The following PIAS1 variants were observed in gnomAD, a reference collection of about 807,000 sequenced individuals.
PIAS1 encodes the protein E3 SUMO-protein ligase PIAS1.
PIAS1 carries 6 observed loss-of-function variants against 71.3 expected under a neutral mutation model. The observed-to-expected ratio is 0.08, with a 90% CI of 0.05 to 0.17. The LOEUF (loss-of-function observed/expected upper bound fraction) is 0.17. Ranked by LOEUF, PIAS1 falls within the 10% of genes least tolerant of loss-of-function variation. PIAS1 has a pLI of 1.00. For synonymous variants in PIAS1, 303 were observed against 292.9 expected (o/e 1.03, Z -0.35); for missense variants, 555 against 793.6 (o/e 0.70, Z 3.61).
intron 1 of PIAS1, among the ~76,000 whole-genome samples, chr15:68,077,171 A>T (rs2092175699): frequency 6.6e-6 from 1 of 152,240 alleles, no homozygotes; most frequent in Non-Finnish European, 1.5e-5. Flanking sequence ...CCCTGCTGAA[A>T]TAAAAGAATA....
intron 2 of PIAS1, among the ~76,000 whole-genome samples, chr15:68,117,074 TTTTG>T (rs2092571310): frequency 6.6e-6 from 1 of 152,086 alleles, no homozygotes; most frequent in Non-Finnish European, 1.5e-5. Flanking sequence ...TTGTTGTTGT[TTTTG>T]TTTTTTTGTT....
intron 2 of PIAS1, among the ~76,000 whole-genome samples, chr15:68,102,997 G>A (rs543409958): frequency 4.0e-5 from 6 of 151,662 alleles, no homozygotes; most frequent in East Asian, 3.9e-4. Context: ...GCACAGTCTC[G>A]GCTCACTGCA....
At chr15:68,108,063 G>T (rs907796388) in intron 2 of PIAS1, among the ~76,000 whole-genome samples, 1 of 152,180 alleles carries the variant, frequency 6.6e-6, no homozygotes, top group African/African-American at 2.4e-5. Flanking sequence ...AGATTAAGGA[G>T]CTTGATGCAG....
chr15:68,088,624 C>T (rs1281851514), intron 2 of PIAS1, among the ~76,000 whole-genome samples: 1 of 151,864 alleles, frequency 6.6e-6, no homozygotes, highest in African/African-American at 2.4e-5. Context: ...AAGATCTCAC[C>T]ACAAAGTAAT....
chr15:68,086,234 A>G lies in PIAS1; in HGVS notation c.25-72A>G. 1 of 1,047,266 alleles carries G rather than the reference A, an allele frequency of 9.5e-7. No individual in the cohort carries two copies. The allele number at this position is 1,047,266 out of a possible 1,614,324, so 64.9% of individuals were successfully genotyped here. On this transcript the variant is annotated intron_variant, in intron 1 of 13. Coordinates refer to ENST00000249636, the MANE Select transcript of PIAS1 (RefSeq NM_016166.3). This position sits in a 1 kb window ranked among gnomAD's most constrained non-coding sequence, Gnocchi z 7.2. ...AGTAAACCATAAGAAGGGGGTTATAATAAAGTGTCATTTAATAGTGTAAAT... is the reference window on the plus strand; with the variant it reads ...AGTAAACCATAAGAAGGGGGTTATAGTAAAGTGTCATTTAATAGTGTAAAT...
Position 68,175,717 on chromosome 15 carries a change from G to A in PIAS1, c.1250G>A (p.Arg417Lys), listed in dbSNP as rs1352897808. The change falls in exon 10 of 14, where the codon AGA becomes AAA. Residue 417 changes from arginine to lysine, a missense_variant. Physicochemically the swap from Arg to Lys is conservative, Grantham distance 26. Coordinates refer to ENST00000249636, the MANE Select transcript of PIAS1 (RefSeq NM_016166.3). ...GAGGATGGCACTTGGGCACCGATGAGATCAAAAAAGGAAGTACAGGAAGTT... is the reference window on the plus strand; with the variant it reads ...GAGGATGGCACTTGGGCACCGATGAAATCAAAAAAGGAAGTACAGGAAGTT... ...FKEDGTWAPM[R>K]SKKEVQEVSA... 1.9e-6 allele frequency: 3 copies of A among 1,606,158 alleles called. No homozygotes were observed. Among genetic ancestry groups the A allele is most frequent in the African/African-American group, 1.3e-5 (1 of 74,706 alleles).
chr15:68,172,211 G>C (rs1226790566), intron 8 of PIAS1, among the ~76,000 whole-genome samples: 1 of 152,130 alleles, frequency 6.6e-6, no homozygotes, highest in Non-Finnish European at 1.5e-5. Flanking sequence ...ATGGTTTCCA[G>C]CTTCATCCAT....
At chr15:68,182,065 G>A (rs2093056575) in intron 12 of PIAS1, among the ~76,000 whole-genome samples, 2 of 152,118 alleles carry the variant, frequency 1.3e-5, no homozygotes, top group East Asian at 3.8e-4. Flanking sequence ...ATGGTGAGTT[G>A]AGACATTTGA....
intron 1 of PIAS1, among the ~76,000 whole-genome samples, chr15:68,068,942 C>G (rs959716214): frequency 5.3e-5 from 7 of 131,780 alleles, no homozygotes; most frequent in African/African-American, 2.0e-4. Context: ...GTCACCCAGG[C>G]TGGAGTGCAG....
Position 68,071,817 on chromosome 15 carries a change from G to A in PIAS1, c.25-14489G>A, listed in dbSNP as rs143219788. ...ACAGAAATTAGCCATGGGGAGTGAC[G>A]TCAATCTGTAGTCCCAGCTACTTGG... On this transcript the variant is annotated intron_variant, in intron 1 of 13. Transcript: ENST00000249636. Among the ~76,000 whole-genome samples, 1,497 of 151,756 alleles carry A rather than the reference G, an allele frequency of 9.9e-3. 24 individuals are homozygous for A. The highest frequency in any genetic ancestry group is 0.033 in the African/African-American group (1,380 of 41,426).
intron 1 of PIAS1, among the ~76,000 whole-genome samples, chr15:68,058,076 C>A (rs1275565511): frequency 6.6e-6 from 1 of 152,088 alleles, no homozygotes; most frequent in Non-Finnish European, 1.5e-5. Context: ...AATTTGTACC[C>A]TTTTTTGCTG....
chr15:68,134,584 CA>C, intron 2 of PIAS1, among the ~76,000 whole-genome samples: 1 of 42,194 alleles, frequency 2.4e-5, no homozygotes, highest in Admixed American at 1.9e-4. Context: ...AGGCGCCCCC[CA>C]CCCCCCAGAC....
At position 68,190,640 on chromosome 15, in the gene PIAS1, G is replaced by C. The variant is rs1020835507; in HGVS notation, c.*2805G>C. On this transcript the variant is annotated 3_prime_UTR_variant, in exon 14 of 14. Coordinates refer to ENST00000249636, the MANE Select transcript of PIAS1 (RefSeq NM_016166.3). This position sits in a 1 kb window ranked among gnomAD's most constrained non-coding sequence, Gnocchi z 4.7. Reference sequence around the variant, plus strand: ...TATGTTTGTTTCTGTACAGTACTGTGTGTGTGTGTGTGTATATATATATAC... The same window carrying C: ...TATGTTTGTTTCTGTACAGTACTGTCTGTGTGTGTGTGTATATATATATAC... 1.6e-4 allele frequency: 24 copies of C among 149,636 alleles called. No homozygotes were observed. Among genetic ancestry groups the C allele is most frequent in the African/African-American group, 5.4e-4 (22 of 40,800 alleles). The allele number at this position is 149,636 out of a possible 1,614,324, so 9.3% of individuals were successfully genotyped here. A position where few individuals can be genotyped will look rare whatever the true frequency, so the allele number is the denominator to read the frequency against.
At position 68,173,720 on chromosome 15, in the gene PIAS1, C is replaced by T; in HGVS notation, c.1009-12C>T. 1 of 1,502,620 alleles carries T rather than the reference C, an allele frequency of 6.7e-7. No individual in the cohort carries two copies. The allele number at this position is 1,502,620 out of a possible 1,614,324, so 93.1% of individuals were successfully genotyped here. ...CAATTATCTAATATTTACTTTTTCTCCCTTTTTAAAGCTTGGTAAAATGCG... is the reference window on the plus strand; with the variant it reads ...CAATTATCTAATATTTACTTTTTCTTCCTTTTTAAAGCTTGGTAAAATGCG... On this transcript the variant is annotated splice_polypyrimidine_tract_variant and intron_variant, in intron 8 of 13. Coordinates refer to ENST00000249636, the MANE Select transcript of PIAS1 (RefSeq NM_016166.3). This position sits in a 1 kb window ranked among gnomAD's most constrained non-coding sequence, Gnocchi z 4.3.
chr15:68,124,951 T>C (rs1307428579), intron 2 of PIAS1, among the ~76,000 whole-genome samples: 2 of 152,216 alleles, frequency 1.3e-5, no homozygotes, highest in African/African-American at 2.4e-5. Flanking sequence ...TTTCCCACCA[T>C]GGGAGATAAG....
At chr15:68,147,241 G>A (rs961325989) in intron 6 of PIAS1, among the ~76,000 whole-genome samples, 7 of 152,110 alleles carry the variant, frequency 4.6e-5, no homozygotes, top group African/African-American at 1.7e-4. Context: ...GACTTTCAGT[G>A]TTATTTGCGT....
chr15:68,161,491 T>G (rs1423165775), intron 7 of PIAS1, among the ~76,000 whole-genome samples: 3 of 151,692 alleles, frequency 2.0e-5, no homozygotes, highest in East Asian at 3.9e-4. Context: ...GGCATAGGTT[T>G]TTTTTTTTTT....
chr15:68,175,592 A>C, intron 9 of PIAS1, 45 bp from the exon 10 acceptor site: 1 of 1,107,812 alleles, frequency 9.0e-7, no homozygotes, highest in Non-Finnish European at 1.2e-6. Context: ...TTCAACCTTT[A>C]TGTTCATTTA....
chr15:68,132,987 T>TC (rs1216939407), intron 2 of PIAS1, among the ~76,000 whole-genome samples: 2 of 151,850 alleles, frequency 1.3e-5, no homozygotes, highest in African/African-American at 4.8e-5. Flanking sequence ...TCTTTTCTTT[T>TC]TTTTTTTCCG....
Sources: allele counts gnomAD v4.1 joint callset (sites outside exome capture counted in the v4.1 genomes callset), GRCh38; gene constraint gnomAD v4.1.1; non-coding constraint Gnocchi (gnomAD v3.1); transcripts MANE v1.5; gene names NCBI Gene and HGNC (gene_info 2026-07-23, HGNC 2026-07-21).